METTL15: variants seen among roughly 807,000 people sequenced by gnomAD.
METTL15 encodes the protein 12S rRNA N(4)-cytidine methyltransferase METTL15.
Under a neutral mutation model 38.3 loss-of-function variants are expected in METTL15, and 34 were observed. The ratio of observed to expected loss-of-function variants is 0.89; its 90% CI spans 0.68 to 1.18. The LOEUF is 1.18. METTL15 is among the 50% of genes most tolerant of loss of function. The probability of loss-of-function intolerance (pLI) is 0.00; values close to 1 mark genes in which losing one functional copy is unlikely to be tolerated. For missense variants in METTL15, 438 were observed against 498.4 expected, an observed-to-expected ratio of 0.88 and a Z score of 1.15; for synonymous variants, 162 against 170.9, an observed-to-expected ratio of 0.95 and a Z score of 0.41.
chr11:28,235,295 T>C (rs1452211140), intron 4 of METTL15, among the ~76,000 whole-genome samples: 3 of 152,110 alleles, frequency 2.0e-5, no homozygotes, highest in Non-Finnish European at 4.4e-5. Context: ...GCGGGCTCTT[T>C]TTTGATTCCA....
Position 28,330,419 on chromosome 11 carries a change from T to C in METTL15, c.802T>C (p.Tyr268His). 6.5e-7 allele frequency: 1 copy of C among 1,547,698 alleles called. No homozygotes were observed. The highest frequency in any genetic ancestry group is 2.4e-5 in the East Asian group (1 of 40,912). ...VAGAFPPSAI[Y>H]TRKDLLQRST... is the part of the protein sequence containing the mutation. ...AGGAGCATTTCCTCCCTCTGCTATT[T>C]ATACACGGAAAGACTTACTACAGCG... The change falls in exon 7 of 7, where the codon TAT (tyrosine) becomes CAT (histidine). Residue 268 changes from tyrosine to histidine, a missense_variant. Tyr to His is a moderately conservative substitution (Grantham distance 83). Transcript: ENST00000407364.
At chr11:28,138,996 A>T (rs1171125280) in intron 3 of METTL15, among the ~76,000 whole-genome samples, 1 of 152,160 alleles carries the variant, frequency 6.6e-6, no homozygotes, top group Non-Finnish European at 1.5e-5. Context: ...CACAGAGGAC[A>T]CAAACAGTAA....
intron 5 of METTL15, among the ~76,000 whole-genome samples, chr11:28,376,298 G>A (rs184520966): frequency 1.3e-5 from 2 of 152,046 alleles, no homozygotes; most frequent in Admixed American, 1.3e-4. Context: ...ATGTGTGGGA[G>A]TCTAAGTCTC....
chr11:28,264,455 ATGTT>A (rs201008692), intron 4 of METTL15, among the ~76,000 whole-genome samples: 1,789 of 152,034 alleles, frequency 0.012, 18 homozygotes, highest in African/African-American at 0.016. Context: ...ACCTTAAAAT[ATGTT>A]TGTTTGTTTG....
chr11:28,376,872 C>A (rs904767175), intron 5 of METTL15, among the ~76,000 whole-genome samples: 27 of 143,524 alleles, frequency 1.9e-4, no homozygotes, highest in African/African-American at 6.5e-4. Context: ...CAAAATCTCT[C>A]AGCATTTGCT....
chr11:28,460,178 T>A (rs1431735456), intron 6 of METTL15, among the ~76,000 whole-genome samples: 1 of 152,130 alleles, frequency 6.6e-6, no homozygotes, highest in Non-Finnish European at 1.5e-5. Context: ...TCTCCCTCAC[T>A]AGACTGTGAG....
intron 5 of METTL15, among the ~76,000 whole-genome samples, chr11:28,367,333 A>C (rs1490456545): frequency 6.6e-6 from 1 of 152,154 alleles, no homozygotes; most frequent in Non-Finnish European, 1.5e-5. Context: ...TCTAATTAGG[A>C]AAGCAAATGC....
intron 4 of METTL15, among the ~76,000 whole-genome samples, chr11:28,264,271 A>G (rs780546081): frequency 1.8e-4 from 27 of 151,630 alleles, no homozygotes; most frequent in Non-Finnish European, 3.2e-4. Flanking sequence ...ATTCACTTTT[A>G]CTCCTTACCT....
rs77860069 is a variant in METTL15 at position 28,242,087 on chromosome 11, A to C, written c.407+30889A>C. On this transcript the variant is annotated intron_variant, in intron 4 of 6. Coordinates refer to ENST00000407364, the MANE Select transcript of METTL15 (RefSeq NM_001113528.2). ...CAGGGATCCATTAAAATATAAATAA[A>C]AGTCTCTGTTTAAGATTAGAATATT... 3.3e-3 allele frequency among the ~76,000 whole-genome samples: 502 copies of C among 152,294 alleles called. 4 individuals are homozygous for C. Among genetic ancestry groups the C allele is most frequent in the African/African-American group, 0.012 (491 of 41,562 alleles).
At chr11:28,438,551 A>G (rs1379382606) in intron 6 of METTL15, among the ~76,000 whole-genome samples, 2 of 151,996 alleles carry the variant, frequency 1.3e-5, no homozygotes, top group Non-Finnish European at 2.9e-5. Flanking sequence ...CCCTCTGAAC[A>G]TTCAAGTTTA....
chr11:28,130,089 C>T (rs1370685632), intron 3 of METTL15, among the ~76,000 whole-genome samples: 6 of 152,096 alleles, frequency 3.9e-5, no homozygotes, highest in Admixed American at 3.3e-4. Context: ...ATTGGAGGAT[C>T]GCTTGAGCTC....
intron 5 of METTL15, among the ~76,000 whole-genome samples, chr11:28,404,759 G>C (rs931171460): frequency 6.6e-6 from 1 of 152,118 alleles, no homozygotes; most frequent in African/African-American, 2.4e-5. Flanking sequence ...TGCAGAAAAT[G>C]TAGATGAGCA....
intron 3 of METTL15, 22 bp downstream of exon 3, chr11:28,113,626 T>C: frequency 6.3e-7 from 1 of 1,596,370 alleles, no homozygotes; most frequent in Non-Finnish European, 8.5e-7. Context: ...TTTTATTTTT[T>C]AGCAAGTTTT....
chr11:28,514,528 C>T (rs545089178), intron 6 of METTL15, among the ~76,000 whole-genome samples: 1 of 152,310 alleles, frequency 6.6e-6, no homozygotes, highest in South Asian at 2.1e-4. Context: ...TGGTTTAAAT[C>T]AGTTGATCTG....
At chr11:28,114,946 A>G (rs796886206) in intron 3 of METTL15, among the ~76,000 whole-genome samples, 9 of 152,226 alleles carry the variant, frequency 5.9e-5, no homozygotes, top group Non-Finnish European at 1.0e-4. Flanking sequence ...AACTGAATCC[A>G]GTAGAGCTTC....
chr11:28,529,122 T>C (rs1469033765), downstream of METTL15, among the ~76,000 whole-genome samples: 1 of 152,066 alleles, frequency 6.6e-6, no homozygotes. Context: ...AGAGAAAGAC[T>C]TTAAGATCAA....
Position 28,265,465 on chromosome 11 carries a change from TTATCTTTTAC to T in METTL15, c.408-24740_408-24731del, listed in dbSNP as rs1383283432. Among the ~76,000 whole-genome samples the T allele has an allele frequency of 2.6e-5, 4 of 151,950 alleles. 1 individual carries two copies. Among genetic ancestry groups the T allele is most frequent in the Admixed American group, 2.6e-4 (4 of 15,246 alleles). The stretch of plus-strand genomic sequence containing the variant: ...TGTCAGTCCTTAGGCCTTCTCTTTA[TTATCTTTTAC>T]ATGGAGTGTAGATACACGTGCATGA... On this transcript the variant is annotated intron_variant, in intron 4 of 6. Transcript: ENST00000407364.
the METTL15 span, among the ~76,000 whole-genome samples, chr11:28,532,469 C>T: frequency 6.6e-6 from 1 of 152,046 alleles, no homozygotes; most frequent in Non-Finnish European, 1.5e-5. Context: ...TTTATTGCTT[C>T]ATAAAAGCTT....
intron 4 of METTL15, among the ~76,000 whole-genome samples, chr11:28,211,527 GTT>G (rs1393458919): frequency 6.6e-6 from 1 of 151,968 alleles, no homozygotes; most frequent in African/African-American, 2.4e-5. Flanking sequence ...ATTTTTATGA[GTT>G]TATTTCTAAG....
Sources: gnomAD v4.1 joint callset for allele counts (sites outside exome capture counted in the v4.1 genomes callset) on GRCh38, gnomAD v4.1.1 for gene constraint, MANE v1.5 for transcripts, NCBI Gene and HGNC (gene_info 2026-07-23, HGNC 2026-07-21) for gene names.